AHNAK2: variants seen among roughly 807,000 people sequenced by gnomAD.
AHNAK2 encodes protein AHNAK2.
A neutral mutation model predicts 30.7 loss-of-function variants in AHNAK2; 18 were observed. That is an observed-to-expected ratio of 0.59 (90% CI 0.41 to 0.87). The LOEUF (loss-of-function observed/expected upper bound fraction) is 0.87. Ranked by LOEUF, AHNAK2 falls within the 40% of genes least tolerant of loss-of-function variation. The probability of loss-of-function intolerance (pLI) is 0.00; values close to 1 mark genes in which losing one functional copy is unlikely to be tolerated. For synonymous variants in AHNAK2, 3,590 were observed against 3,073.8 expected (o/e 1.17, Z -5.56); for missense variants, 8,604 against 7,373.0 (o/e 1.17, Z -6.11).
At chr14:104,971,833 C>T (rs1899480315) in intron 1 of AHNAK2, among the ~76,000 whole-genome samples, 1 of 152,260 alleles carries the variant, frequency 6.6e-6, no homozygotes, top group African/African-American at 2.4e-5. Context: ...TGGGTGTGGA[C>T]GTGCCTCCAA....
chr14:104,965,046 T>G (rs780603488), intron 1 of AHNAK2, among the ~76,000 whole-genome samples: 1 of 152,166 alleles, frequency 6.6e-6, no homozygotes, highest in Non-Finnish European at 1.5e-5. Flanking sequence ...TCCTAAAACT[T>G]TATTACACTC....
intron 1 of AHNAK2, among the ~76,000 whole-genome samples, chr14:104,975,960 A>C (rs545743283): frequency 6.6e-6 from 1 of 152,264 alleles, no homozygotes; most frequent in African/African-American, 2.4e-5. Context: ...GGGCCCAGCC[A>C]TCTCATGACC....
At chr14:104,961,336 A>T (rs191249457) in intron 1 of AHNAK2, among the ~76,000 whole-genome samples, 4 of 151,934 alleles carry the variant, frequency 2.6e-5, no homozygotes, top group Admixed American at 2.6e-4. Context: ...AACACAGTGA[A>T]ACCCCGTCTC....
In AHNAK2 at chr14:104,943,432, T is replaced by G; in HGVS notation, c.12019A>C (p.Met4007Leu). ...KVEADVSLPS[M>L]QGDLKATDLS... ...TCAGTGGCCTTGAGGTCCCCCTGCA[T>G]GGAAGGGAGGCTCACGTCGGCCTCC... Residue 4007 changes from methionine to leucine, a missense_variant, in exon 7 of 7, where the codon ATG (methionine) becomes CTG (leucine). Coordinates refer to ENST00000333244, the MANE Select transcript of AHNAK2 (RefSeq NM_138420.4). The G allele has an allele frequency of 6.2e-7, 1 of 1,613,168 alleles. No homozygotes were observed. Among genetic ancestry groups the G allele is most frequent in the Non-Finnish European group, 8.5e-7 (1 of 1,179,584 alleles).
At position 104,939,829 on chromosome 14, in the gene AHNAK2, C is replaced by T. The variant is rs1897925054; in HGVS notation, c.15622G>A (p.Gly5208Ser). Reference protein sequence around the residue: ...PSLRRSFRDRGGAGKLEVAQT... With the variant: ...PSLRRSFRDRSGAGKLEVAQT... ...GCCACTTCCAGCTTTCCAGCCCCGC[C>T]TCTGTCCCTGAAAGAGCGCCTAAGG... Residue 5208 changes from glycine to serine, a missense_variant, in exon 7 of 7, where the codon GGC becomes AGC. Transcript: ENST00000333244. 9 of 1,613,902 alleles carry T rather than the reference C, an allele frequency of 5.6e-6. No individual in the cohort carries two copies. Among genetic ancestry groups the T allele is most frequent in the Non-Finnish European group, 6.8e-6 (8 of 1,179,904 alleles).
At chr14:104,957,555 GC>G in intron 2 of AHNAK2, 47 bp from the exon 3 acceptor site, 1 of 1,595,990 alleles carries the variant, frequency 6.3e-7, no homozygotes, top group South Asian at 1.1e-5. Flanking sequence ...TTCTCCCAGG[GC>G]CCAGGGAGAA....
At chr14:104,967,738 C>A (rs978777487) in intron 1 of AHNAK2, among the ~76,000 whole-genome samples, 2 of 152,234 alleles carry the variant, frequency 1.3e-5, no homozygotes, top group African/African-American at 2.4e-5. Flanking sequence ...CTGGCAGGAG[C>A]CTGGCCCAGG....
chr14:104,964,502 A>C (rs1462838715), intron 1 of AHNAK2, among the ~76,000 whole-genome samples: 1 of 152,132 alleles, frequency 6.6e-6, no homozygotes, highest in Non-Finnish European at 1.5e-5. Flanking sequence ...CCCTCAAAAG[A>C]TGGATGCAGG....
intron 1 of AHNAK2, among the ~76,000 whole-genome samples, chr14:104,973,528 C>T (rs1899527172): frequency 6.6e-6 from 1 of 152,196 alleles, no homozygotes; most frequent in South Asian, 2.1e-4. Context: ...GCCTCCTGCC[C>T]ACCCAGGCGC....
Position 104,944,689 on chromosome 14 carries a change from G to A in AHNAK2, c.10762C>T (p.Pro3588Ser), listed in dbSNP as rs1898163029. 6.2e-7 allele frequency: 1 copy of A among 1,611,852 alleles called. No homozygotes were observed. Among genetic ancestry groups the A allele is most frequent in the Admixed American group, 1.7e-5 (1 of 59,776 alleles). Reference sequence around the variant, plus strand: ...TCGGGGACTCTCACTTCTGCCTTGGGGCCTTTCAGGTCCAGCTTGGGGCCC... The same window carrying A: ...TCGGGGACTCTCACTTCTGCCTTGGAGCCTTTCAGGTCCAGCTTGGGGCCC... ...VKGPKLDLKG[P>S]KAEVRVPDVE... The change falls in exon 7 of 7, where the codon CCC (proline) becomes TCC (serine). Residue 3588 changes from proline to serine, a missense_variant. Transcript: ENST00000333244.
At chr14:104,965,401 CAAAAAAAAAA>C (rs397853385) in intron 1 of AHNAK2, among the ~76,000 whole-genome samples, 102 of 85,508 alleles carry the variant, frequency 1.2e-3, no homozygotes, top group Admixed American at 4.1e-3. Context: ...AACTCTGTCT[CAAAAAAAAAA>C]AAAAAAAAAA....
At position 104,952,008 on chromosome 14, in the gene AHNAK2, T is replaced by A. The variant is rs748513230; in HGVS notation, c.3443A>T (p.Glu1148Val). Residue 1148 changes from glutamate (E) to valine (V), a missense_variant, in exon 7 of 7, where the codon GAA (glutamate) becomes GTA (valine). Physicochemically the swap from Glu to Val is moderately radical, Grantham distance 121. Coordinates refer to ENST00000333244, the MANE Select transcript of AHNAK2 (RefSeq NM_138420.4). ...AKLDSARLEG[E>V]LSLADKDVTA... ...CACATCCTTGTCGGCCAGGGACAGTTCCCCCTCCAGCCGCGCACTGTCCAG... is the reference window on the plus strand; with the variant it reads ...CACATCCTTGTCGGCCAGGGACAGTACCCCCTCCAGCCGCGCACTGTCCAG... The A allele has an allele frequency of 1.9e-6, 3 of 1,612,188 alleles. No individual in the cohort carries two copies. The highest frequency in any genetic ancestry group is 2.5e-6 in the Non-Finnish European group (3 of 1,179,510).
chr14:104,952,389 A>G lies in AHNAK2; in HGVS notation c.3062T>C (p.Val1021Ala). The part of the protein sequence containing the change: ...SAPGKSIKAL[V>A]DVSAPKVEAD... ...CTCCACCTTGGGTGCAGACACATCCACCAAGGCCTTGATGGACTTCCCTGG... is the reference window on the plus strand; with the variant it reads ...CTCCACCTTGGGTGCAGACACATCCGCCAAGGCCTTGATGGACTTCCCTGG... The change falls in exon 7 of 7, where the codon GTG (valine) becomes GCG (alanine). Residue 1021 changes from valine to alanine, a missense_variant. Val to Ala is a moderately conservative substitution (Grantham distance 64). Transcript: ENST00000333244. The G allele has an allele frequency of 1.2e-6, 2 of 1,612,456 alleles. No individual in the cohort carries two copies. The highest frequency in any genetic ancestry group is 1.7e-6 in the Non-Finnish European group (2 of 1,179,520).
rs559744130 is a variant in AHNAK2 at position 104,950,377 on chromosome 14, C to G, written c.5074G>C (p.Val1692Leu). 8.2e-6 allele frequency: 13 copies of G among 1,586,314 alleles called. No individual in the cohort carries two copies. Among genetic ancestry groups the G allele is most frequent in the Middle Eastern group, 1.7e-4 (1 of 6,024 alleles). Residue 1692 changes from valine to leucine, a missense_variant, in exon 7 of 7, where the codon GTG becomes CTG. Val to Leu is a conservative substitution (Grantham distance 32). Transcript: ENST00000333244. ...DVSEPKVEAD[V>L]SLPSMQGDLK... ...TCCCCCTGCATGGAGGGGAGGCTCACATCAGCTTCCACCTTCGGCTCAGAC... is the reference window on the plus strand; with the variant it reads ...TCCCCCTGCATGGAGGGGAGGCTCAGATCAGCTTCCACCTTCGGCTCAGAC...
chr14:104,945,093 G>A lies in AHNAK2; in HGVS notation c.10358C>T (p.Ala3453Val), dbSNP rs371908240. ...CAGGGACAGGTCCCCCTCCAGCCGC[G>A]CACCATCCAGCTTGGCTCTCGGGGC... ...VQAPRAKLDG[A>V]RLEGDLSLAE... is the part of the protein sequence containing the mutation. Residue 3453 changes from alanine (A) to valine (V), a missense_variant, in exon 7 of 7, where the codon GCG (alanine) becomes GTG (valine). Coordinates refer to ENST00000333244, the MANE Select transcript of AHNAK2 (RefSeq NM_138420.4). The A allele has an allele frequency of 9.9e-5, 160 of 1,611,244 alleles. 1 individual carries two copies. The highest frequency in any genetic ancestry group is 1.7e-4 in the Middle Eastern group (1 of 6,040).
chr14:104,949,875 A>G lies in AHNAK2; in HGVS notation c.5576T>C (p.Leu1859Pro). The G allele has an allele frequency of 6.3e-7, 1 of 1,587,514 alleles. No individual in the cohort carries two copies. The highest frequency in any genetic ancestry group is 8.6e-7 in the Non-Finnish European group (1 of 1,163,092). The change falls in exon 7 of 7, where the codon CTC becomes CCC. Residue 1859 changes from leucine to proline, a missense_variant. By Grantham distance (98) the Leu-to-Pro change is moderately conservative. Transcript: ENST00000333244. ...CTTGAGGTCCCCCTGCATGGAGGGG[A>G]GGCTCACTTCGGCCTCCACCTTCGG... ...SAPKVEAEVS[L>P]PSMQGDLKTT...
Position 104,941,901 on chromosome 14 carries a change from G to A in AHNAK2, c.13550C>T (p.Ser4517Phe). Residue 4517 changes from serine to phenylalanine, a missense_variant, in exon 7 of 7, where the codon TCC becomes TTC. By Grantham distance (155) the Ser-to-Phe change is radical (BLOSUM62 -2). Transcript: ENST00000333244. ...GCCAGCCTGGACCTCCAGGTCGGCG[G>A]AAGGGGCCTGAATGCGGAGGTCAGT... ...KTTDLRIQAP[S>F]ADLEVQAGQV... The A allele has an allele frequency of 6.2e-7, 1 of 1,613,636 alleles. No homozygotes were observed. Among genetic ancestry groups the A allele is most frequent in the Non-Finnish European group, 8.5e-7 (1 of 1,179,686 alleles).
chr14:104,967,862 G>C (rs1014040132), intron 1 of AHNAK2, among the ~76,000 whole-genome samples: 5 of 152,166 alleles, frequency 3.3e-5, no homozygotes, highest in Non-Finnish European at 5.9e-5. Context: ...CAGTATCCCA[G>C]TCCCCCGCCA....
In AHNAK2 at chr14:104,947,749, T is replaced by G. The variant is rs766315264; in HGVS notation, c.7702A>C (p.Lys2568Gln). Residue 2568 changes from lysine (K) to glutamine (Q), a missense_variant, in exon 7 of 7, where the codon AAG (lysine) becomes CAG (glutamine). Transcript: ENST00000333244. ...ATCTTGAAACTGGGCATCTGCACCT[T>G]GGGCAGGTGCCCTTTGAGGCCGGCT... ...EGAGLKGHLP[K>Q]VQMPSFKMPE... The G allele has an allele frequency of 1.2e-6, 2 of 1,612,528 alleles. No homozygotes were observed. Among genetic ancestry groups the G allele is most frequent in the East Asian group, 2.2e-5 (1 of 44,750 alleles).
Sources: gnomAD v4.1 joint callset for allele counts (sites outside exome capture counted in the v4.1 genomes callset) on GRCh38, gnomAD v4.1.1 for gene constraint, MANE v1.5 for transcripts, NCBI Gene and HGNC (gene_info 2026-07-23, HGNC 2026-07-21) for gene names.